NUBPL: variants seen among roughly 807,000 people sequenced by gnomAD.
NUBPL encodes the protein NUBP iron-sulfur cluster assembly factor, mitochondrial, also known as iron-sulfur cluster transfer protein NUBPL.
Under a neutral mutation model 45.7 loss-of-function variants are expected in NUBPL, and 31 were observed. The ratio of observed to expected loss-of-function variants is 0.68; its 90% CI spans 0.51 to 0.92. The LOEUF (loss-of-function observed/expected upper bound fraction) is 0.92, where lower values mean the gene tolerates loss of function less well. Ranked by LOEUF, NUBPL falls within the 40% of genes least tolerant of loss-of-function variation. The probability of loss-of-function intolerance (pLI) is 0.00; values close to 1 mark genes in which losing one functional copy is unlikely to be tolerated. For missense variants in NUBPL, 401 were observed against 398.7 expected, an observed-to-expected ratio of 1.01 and a Z score of -0.05; for synonymous variants, 144 against 140.9, an observed-to-expected ratio of 1.02 and a Z score of -0.15.
chr14:31,769,814 G>A (rs1440495947), intron 6 of NUBPL, among the ~76,000 whole-genome samples: 1 of 151,764 alleles, frequency 6.6e-6, no homozygotes, highest in Non-Finnish European at 1.5e-5. Context: ...GAAACTTAGT[G>A]CTTACCTAAT....
chr14:31,673,329 A>G (rs1259814968), intron 4 of NUBPL, 26 bp from the exon 5 acceptor site: 1 of 1,546,624 alleles, frequency 6.5e-7, no homozygotes, highest in African/African-American at 1.7e-5. Context: ...TATTGTTCTA[A>G]AAGAGAGGAT....
chr14:31,774,804 G>T (rs10139898), intron 6 of NUBPL, among the ~76,000 whole-genome samples: 12,895 of 152,160 alleles, frequency 0.085, 657 homozygotes, highest in African/African-American at 0.15. Flanking sequence ...ATAAACCCGT[G>T]ATGTAATCAA....
At chr14:31,769,699 G>A in intron 6 of NUBPL, among the ~76,000 whole-genome samples, 1 of 150,940 alleles carries the variant, frequency 6.6e-6, no homozygotes, top group East Asian at 1.9e-4. Flanking sequence ...GGTGCTTTTG[G>A]ATAAAAATTC....
chr14:31,688,631 T>C (rs551474813), intron 6 of NUBPL, among the ~76,000 whole-genome samples: 2 of 146,656 alleles, frequency 1.4e-5, no homozygotes, highest in East Asian at 2.0e-4. Flanking sequence ...GGAGAAAGGC[T>C]ATCTGCCTGA....
intron 10 of NUBPL, among the ~76,000 whole-genome samples, chr14:31,856,838 A>C (rs1256556258): frequency 1.3e-5 from 2 of 152,130 alleles, no homozygotes; most frequent in African/African-American, 4.8e-5. Context: ...TGCAGAGTAT[A>C]GCCTCCCTCC....
chr14:31,575,436 T>C (rs1435822942), intron 3 of NUBPL, among the ~76,000 whole-genome samples: 1 of 152,188 alleles, frequency 6.6e-6, no homozygotes, highest in East Asian at 1.9e-4. Flanking sequence ...CTAATAACGT[T>C]GTTGTGAGTA....
intron 6 of NUBPL, among the ~76,000 whole-genome samples, chr14:31,771,390 T>C (rs1040087331): frequency 3.9e-5 from 6 of 152,208 alleles, no homozygotes; most frequent in Admixed American, 6.5e-5. Flanking sequence ...CATTGTGTAA[T>C]AATTTTCTAT....
chr14:31,704,905 A>G (rs1256283278), intron 6 of NUBPL, among the ~76,000 whole-genome samples: 1 of 152,020 alleles, frequency 6.6e-6, no homozygotes, highest in East Asian at 1.9e-4. Flanking sequence ...GTTCTTAAAG[A>G]TGGTATGTCC....
At chr14:31,804,783 A>T (rs2039653546) in intron 7 of NUBPL, among the ~76,000 whole-genome samples, 1 of 152,106 alleles carries the variant, frequency 6.6e-6, no homozygotes, top group South Asian at 2.1e-4. Flanking sequence ...ACAAAAATCA[A>T]CTCAAGATGG....
chr14:31,698,712 G>C (rs1334752750), intron 6 of NUBPL, among the ~76,000 whole-genome samples: 1 of 152,044 alleles, frequency 6.6e-6, no homozygotes, highest in African/African-American at 2.4e-5. Context: ...CCAGTGCTAT[G>C]TGATCATTCA....
At chr14:31,852,603 G>A (rs1337970112) in intron 10 of NUBPL, among the ~76,000 whole-genome samples, 4 of 152,092 alleles carry the variant, frequency 2.6e-5, no homozygotes, top group South Asian at 4.1e-4. Flanking sequence ...CCTGGGAGGC[G>A]GAGGTTGCAG....
intron 4 of NUBPL, among the ~76,000 whole-genome samples, chr14:31,640,583 C>G (rs959729591): frequency 6.8e-6 from 1 of 147,738 alleles, no homozygotes; most frequent in African/African-American, 2.5e-5. Flanking sequence ...CCACTGCACT[C>G]CAGCCTGGGC....
At chr14:31,735,946 A>G (rs1180667493) in intron 6 of NUBPL, among the ~76,000 whole-genome samples, 1 of 152,224 alleles carries the variant, frequency 6.6e-6, no homozygotes, top group Non-Finnish European at 1.5e-5. Flanking sequence ...AATATGCTTC[A>G]CAAACTGCTA....
intron 7 of NUBPL, among the ~76,000 whole-genome samples, chr14:31,814,775 A>G (rs1037972252): frequency 2.0e-5 from 3 of 152,198 alleles, no homozygotes; most frequent in African/African-American, 4.8e-5. Context: ...TTTTCCCAAC[A>G]TCACTTATTA....
At chr14:31,580,852 T>C (rs946107627) in intron 3 of NUBPL, among the ~76,000 whole-genome samples, 1 of 151,846 alleles carries the variant, frequency 6.6e-6, no homozygotes, top group African/African-American at 2.4e-5. Flanking sequence ...GTGATTGGAG[T>C]GGTCTAGGGG....
intron 6 of NUBPL, among the ~76,000 whole-genome samples, chr14:31,780,025 A>G (rs1297507992): frequency 1.3e-5 from 2 of 152,020 alleles, no homozygotes; most frequent in East Asian, 1.9e-4. Flanking sequence ...AATATAACCA[A>G]TGTTTCCCAT....
chr14:31,658,473 A>G (rs911457785), intron 4 of NUBPL, among the ~76,000 whole-genome samples: 2 of 152,100 alleles, frequency 1.3e-5, no homozygotes, highest in African/African-American at 4.8e-5. Flanking sequence ...TGCACTAAAA[A>G]TGGCTGATGA....
At chr14:31,610,608 CA>C (rs775656176) in intron 4 of NUBPL, among the ~76,000 whole-genome samples, 4,703 of 94,612 alleles carry the variant, frequency 0.05, 78 homozygotes, top group South Asian at 0.061. Flanking sequence ...AAAGATACAT[CA>C]AAAAAAAAAA....
At chr14:31,750,143 G>T (rs2038489032) in intron 6 of NUBPL, among the ~76,000 whole-genome samples, 1 of 149,040 alleles carries the variant, frequency 6.7e-6, no homozygotes, top group African/African-American at 2.5e-5. Flanking sequence ...TTATTCTTTT[G>T]TATTTCAGTA....
Sources: allele counts gnomAD v4.1 joint callset (sites outside exome capture counted in the v4.1 genomes callset), GRCh38; gene constraint gnomAD v4.1.1; transcripts MANE v1.5; gene names NCBI Gene and HGNC (gene_info 2026-07-23, HGNC 2026-07-21).